Variants in CHN2 observed in about 807,000 individuals in gnomAD.
The protein encoded by CHN2 is beta-chimaerin.
In CHN2, 35 loss-of-function variants were observed where a neutral mutation model predicts 56.3. The observed-to-expected ratio is 0.62, with a 90% CI of 0.47 to 0.82. The LOEUF is 0.82. Among genes scored for constraint, CHN2 ranks in the 40% least tolerant of loss-of-function variants. The pLI, the probability that CHN2 is intolerant of heterozygous loss-of-function variation, is 0.00. For synonymous variants in CHN2, 210 were observed against 212.8 expected, an observed-to-expected ratio of 0.99 and a Z score of 0.12; for missense variants, 491 against 580.5, an observed-to-expected ratio of 0.85 and a Z score of 1.58.
At chr7:29,146,764 T>C in intron 1 of CHN2, 1 of 1,549,294 alleles carries the variant, frequency 6.5e-7, no homozygotes, top group Non-Finnish European at 8.7e-7. Flanking sequence ...GTCCCTTTGT[T>C]TTATTTTGAT....
chr7:29,490,930 T>C (rs899561939), intron 7 of CHN2, among the ~76,000 whole-genome samples: 5 of 152,356 alleles, frequency 3.3e-5, no homozygotes, highest in African/African-American at 1.2e-4. Context: ...TTCGTATTCA[T>C]AGATCAACTT....
chr7:29,460,437 T>A (rs1785083539), intron 6 of CHN2, among the ~76,000 whole-genome samples: 1 of 152,230 alleles, frequency 6.6e-6, no homozygotes, highest in Non-Finnish European at 1.5e-5. Context: ...AGGGAGCTTC[T>A]AAGAGGGTAC....
At chr7:29,468,152 C>CCCCCCCCCCCG (rs1785718617) in intron 6 of CHN2, among the ~76,000 whole-genome samples, 1 of 116,178 alleles carries the variant, frequency 8.6e-6, no homozygotes, top group African/African-American at 3.1e-5. Flanking sequence ...CCCCCCCCCC[C>CCCCCCCCCCCG]CCCGCCCGAC....
At chr7:29,467,913 C>T (rs1264383575) in intron 6 of CHN2, among the ~76,000 whole-genome samples, 5 of 152,050 alleles carry the variant, frequency 3.3e-5, no homozygotes, top group Admixed American at 6.5e-5. Context: ...GTTGCTGATA[C>T]GATTCTAATA....
intron 1 of CHN2, among the ~76,000 whole-genome samples, chr7:29,310,684 G>T (rs1367150008): frequency 6.6e-6 from 1 of 152,178 alleles, no homozygotes; most frequent in African/African-American, 2.4e-5. Flanking sequence ...TACAGGTTTG[G>T]TGTCTGGTGA....
At chr7:29,293,415 T>C (rs1792838869) in intron 1 of CHN2, among the ~76,000 whole-genome samples, 1 of 140,428 alleles carries the variant, frequency 7.1e-6, no homozygotes, top group African/African-American at 2.6e-5. Context: ...CCTTGCCTTA[T>C]TTGGCTTTTC....
intron 6 of CHN2, among the ~76,000 whole-genome samples, chr7:29,445,691 GT>G (rs1189254235): frequency 2.6e-5 from 4 of 151,634 alleles, no homozygotes; most frequent in African/African-American, 9.7e-5. Context: ...TTTGTTGGGG[GT>G]TCTTGTTTTT....
At chr7:29,206,065 A>T (rs918372291) in intron 1 of CHN2, among the ~76,000 whole-genome samples, 3 of 152,116 alleles carry the variant, frequency 2.0e-5, no homozygotes, top group African/African-American at 7.2e-5. Flanking sequence ...TTTATCATGT[A>T]TCACTAAAAT....
rs1029264883 is a variant in CHN2 at position 29,195,083 on chromosome 7, C to T, written c.49+93C>T. ...TGGGATGGACAGAGCCTACCTGTGG[C>T]CATCCCGCCCGCTCTCTCGGAATGG... On this transcript the variant is annotated intron_variant, in intron 1 of 12. Coordinates refer to ENST00000222792, the MANE Select transcript of CHN2 (RefSeq NM_004067.4). The T allele has an allele frequency of 1.9e-5, 25 of 1,348,692 alleles. No individual in the cohort carries two copies. In the South Asian group the frequency reaches 2.3e-4, roughly 12 times the overall value. 83.5% of individuals were successfully genotyped at this position (1,348,692 alleles called of 1,614,324 possible).
At chr7:29,216,020 C>T (rs1296538490) in intron 1 of CHN2, among the ~76,000 whole-genome samples, 2 of 152,236 alleles carry the variant, frequency 1.3e-5, no homozygotes, top group East Asian at 1.9e-4. Flanking sequence ...GGTGTAATGA[C>T]TGGCAAGCTG....
chr7:29,252,585 T>TTGTTTTGTTTTGTTTTG (rs1384909146), intron 1 of CHN2, among the ~76,000 whole-genome samples: 2 of 23,092 alleles, frequency 8.7e-5, no homozygotes, highest in East Asian at 1.8e-3. Context: ...TTTGTTTTTT[T>TTGTTTTGTTTTGTTTTG]TTTTTTTTTT....
At chr7:29,235,720 A>C (rs1210030449) in intron 1 of CHN2, among the ~76,000 whole-genome samples, 1 of 152,234 alleles carries the variant, frequency 6.6e-6, no homozygotes, top group African/African-American at 2.4e-5. Context: ...AAAAGAATGA[A>C]ATCATGTCCT....
At chr7:29,504,627 C>T in intron 9 of CHN2, 117 bp from the exon 10 acceptor site, 1 of 641,510 alleles carries the variant, frequency 1.6e-6, no homozygotes, top group Non-Finnish European at 2.7e-6. Flanking sequence ...TAAATAAAAT[C>T]ACTGTCTATG....
chr7:29,243,524 G>A (rs560994804), intron 1 of CHN2, among the ~76,000 whole-genome samples: 13 of 152,172 alleles, frequency 8.5e-5, no homozygotes, highest in African/African-American at 3.1e-4. Flanking sequence ...TTTTACATTC[G>A]GATTTTAATC....
intron 2 of CHN2, among the ~76,000 whole-genome samples, chr7:29,151,644 A>G (rs1261254363): frequency 6.6e-6 from 1 of 152,182 alleles, no homozygotes; most frequent in Non-Finnish European, 1.5e-5. Context: ...TGATATTATG[A>G]TGAACCTGCC....
intron 6 of CHN2, among the ~76,000 whole-genome samples, chr7:29,437,892 T>C (rs570702913): frequency 5.8e-4 from 88 of 152,250 alleles, no homozygotes; most frequent in African/African-American, 2.1e-3. Context: ...TAGAGCTTCA[T>C]TGGGGTGTCA....
intron 6 of CHN2, among the ~76,000 whole-genome samples, chr7:29,452,551 G>A (rs529475406): frequency 1.3e-5 from 2 of 152,208 alleles, no homozygotes; most frequent in Non-Finnish European, 2.9e-5. Flanking sequence ...TGTGGTCACT[G>A]AATTTTCATC....
chr7:29,454,425 T>C (rs1562619951), intron 6 of CHN2, among the ~76,000 whole-genome samples: 1 of 152,160 alleles, frequency 6.6e-6, no homozygotes, highest in Admixed American at 6.5e-5. Flanking sequence ...AGTTTGAGAT[T>C]TTTTGTATGT....
At chr7:29,264,847 A>T (rs1789994303) in intron 1 of CHN2, among the ~76,000 whole-genome samples, 1 of 151,456 alleles carries the variant, frequency 6.6e-6, no homozygotes, top group Non-Finnish European at 1.5e-5. Context: ...TTTAAAAATT[A>T]AAAAAGTCAA....
Sources: allele counts gnomAD v4.1 joint callset (sites outside exome capture counted in the v4.1 genomes callset), GRCh38; gene constraint gnomAD v4.1.1; transcripts MANE v1.5; gene names NCBI Gene and HGNC (gene_info 2026-07-23, HGNC 2026-07-21).